ACTR3: variants seen among roughly 807,000 people sequenced by gnomAD.
ACTR3 encodes actin related protein 3, also known as actin-related protein 3.
ACTR3 carries 12 observed loss-of-function variants against 56.8 expected under a neutral mutation model. The observed-to-expected ratio is 0.21, with a 90% CI of 0.14 to 0.34. The LOEUF is 0.34. Ranked by LOEUF, ACTR3 falls within the 10% of genes least tolerant of loss-of-function variation. The probability of loss-of-function intolerance (pLI) is 1.00; values close to 1 mark genes in which losing one functional copy is unlikely to be tolerated. For missense variants in ACTR3, 282 were observed against 512.5 expected (o/e 0.55, Z 4.34); for synonymous variants, 162 against 167.4 (o/e 0.97, Z 0.25).
At chr2:113,935,323 A>G (rs997338138) in intron 6 of ACTR3, among the ~76,000 whole-genome samples, 2 of 152,184 alleles carry the variant, frequency 1.3e-5, no homozygotes, top group Admixed American at 6.5e-5. Context: ...TCATCACCCT[A>G]CAAAGGAACC....
rs371359989 is a variant in ACTR3 at position 113,922,221 on chromosome 2, C to T, written c.226-5124C>T. On this transcript the variant is annotated intron_variant, in intron 3 of 11. Coordinates refer to ENST00000263238, the MANE Select transcript of ACTR3 (RefSeq NM_005721.5). ...AGAGAGATGAAGAGACACATTTCAA[C>T]GTTAAGATGGAAGACATGTCTGAAT... 5.3e-4 allele frequency among the ~76,000 whole-genome samples: 81 copies of T among 151,980 alleles called. No homozygotes were observed. In the South Asian group the frequency reaches 0.015, roughly 29 times the overall value.
intron 1 of ACTR3, among the ~76,000 whole-genome samples, chr2:113,893,613 A>G (rs777613102): frequency 5.9e-5 from 9 of 152,042 alleles, no homozygotes; most frequent in African/African-American, 9.7e-5. Context: ...TTTTAAATGC[A>G]TGTTTTTACT....
intron 10 of ACTR3, chr2:113,952,690 C>T: frequency 6.6e-6 from 1 of 152,060 alleles, no homozygotes; most frequent in African/African-American, 2.4e-5. Flanking sequence ...GTAAACCTAT[C>T]CCTAGGAATG....
In ACTR3 at chr2:113,953,249, T is replaced by C. The variant is rs1458464566; in HGVS notation, c.1077+1404T>C. ...AGAAATAAATTTACCCAGTGATCAG[T>C]ACCGTATCGACATATTGAAAGAAAC... is the stretch of plus-strand genomic sequence containing the variant. On this transcript the variant is annotated intron_variant, in intron 10 of 11. Coordinates refer to ENST00000263238, the MANE Select transcript of ACTR3 (RefSeq NM_005721.5). 3 of 152,190 alleles carry C rather than the reference T, an allele frequency of 2.0e-5. No homozygotes were observed. In the East Asian group the frequency reaches 5.8e-4, roughly 29 times the overall value. The allele number at this position is 152,190 out of a possible 1,614,324, so 9.4% of individuals were successfully genotyped here.
chr2:113,927,478 A>C, intron 4 of ACTR3, 23 bp downstream of exon 4: 15 of 1,504,442 alleles, frequency 1.0e-5, no homozygotes, highest in Non-Finnish European at 1.4e-5. Flanking sequence ...TTATAATTTC[A>C]CTGAGGAAAT....
At chr2:113,902,489 C>G (rs988347640) in intron 1 of ACTR3, among the ~76,000 whole-genome samples, 1 of 152,026 alleles carries the variant, frequency 6.6e-6, no homozygotes, top group African/African-American at 2.4e-5. Context: ...TACCATCTCC[C>G]TTTCGCAGCC....
intron 1 of ACTR3, among the ~76,000 whole-genome samples, chr2:113,902,799 CG>C (rs1285261269): frequency 1.3e-5 from 2 of 152,086 alleles, no homozygotes; most frequent in African/African-American, 4.8e-5. Flanking sequence ...GGGGTTTCGC[CG>C]TGTTGGCCAG....
At chr2:113,917,093 G>C (rs967460772) in intron 3 of ACTR3, 85 bp downstream of exon 3, 2 of 1,152,706 alleles carry the variant, frequency 1.7e-6, no homozygotes, top group Admixed American at 6.6e-5. Flanking sequence ...CTCTATAATA[G>C]ACCTTATTAA....
At chr2:113,937,663 A>T (rs189465641) in intron 6 of ACTR3, among the ~76,000 whole-genome samples, 50 of 152,284 alleles carry the variant, frequency 3.3e-4, no homozygotes, top group Middle Eastern at 6.8e-3. Flanking sequence ...ATGTCACTCC[A>T]CTGTCTTCTG....
At chr2:113,921,623 A>C (rs1679513460) in intron 3 of ACTR3, among the ~76,000 whole-genome samples, 1 of 152,098 alleles carries the variant, frequency 6.6e-6, no homozygotes, top group South Asian at 2.1e-4. Flanking sequence ...TAAATCTTTA[A>C]TTCATTTTGA....
chr2:113,915,256 C>G (rs1679382609), intron 2 of ACTR3, among the ~76,000 whole-genome samples: 1 of 152,186 alleles, frequency 6.6e-6, no homozygotes, highest in Non-Finnish European at 1.5e-5. Context: ...CATGCTCTTG[C>G]TGGTGTCTTC....
chr2:113,929,029 A>G (rs762643883), intron 4 of ACTR3, among the ~76,000 whole-genome samples: 2 of 152,118 alleles, frequency 1.3e-5, no homozygotes, highest in African/African-American at 2.4e-5. Flanking sequence ...TATGTTGCAT[A>G]TACTGGTGAT....
intron 1 of ACTR3, among the ~76,000 whole-genome samples, chr2:113,896,139 A>G (rs891148918): frequency 6.6e-6 from 1 of 152,176 alleles, no homozygotes; most frequent in African/African-American, 2.4e-5. Flanking sequence ...AGATTACAGG[A>G]GTGAGCCACC....
chr2:113,905,632 G>A (rs7582072), intron 1 of ACTR3, among the ~76,000 whole-genome samples: 24 of 151,962 alleles, frequency 1.6e-4, no homozygotes, highest in Non-Finnish European at 3.1e-4. Context: ...GAAACTCTGC[G>A]CATTAAGCAG....
intron 1 of ACTR3, among the ~76,000 whole-genome samples, chr2:113,909,577 G>C (rs1679263476): frequency 6.6e-6 from 1 of 151,686 alleles, no homozygotes; most frequent in Non-Finnish European, 1.5e-5. Flanking sequence ...AGACTTCCTG[G>C]AGAAGTTTTA....
At chr2:113,941,427 T>C (rs1273447677) in intron 7 of ACTR3, among the ~76,000 whole-genome samples, 3 of 152,212 alleles carry the variant, frequency 2.0e-5, no homozygotes, top group African/African-American at 7.2e-5. Context: ...CCTCAAATAG[T>C]GTAATCAAAT....
intron 1 of ACTR3, among the ~76,000 whole-genome samples, chr2:113,899,854 A>G (rs1012672582): frequency 1.3e-5 from 2 of 152,242 alleles, no homozygotes; most frequent in African/African-American, 4.8e-5. Flanking sequence ...TGGGTCAGTT[A>G]GGAAATTGCC....
intron 2 of ACTR3, among the ~76,000 whole-genome samples, chr2:113,915,969 G>GT (rs1679397918): frequency 2.0e-5 from 3 of 151,974 alleles, no homozygotes; most frequent in Admixed American, 6.6e-5. Flanking sequence ...GTGGTTCAAG[G>GT]TTTTTTTTAT....
In ACTR3 at chr2:113,926,472, A is replaced by C. The variant is rs1257760587; in HGVS notation, c.226-873A>C. ...ATGAATACTTGAGACTGAGTAATTT[A>C]TAAAGAAAAGAGGTTTATTTTGGCT... On this transcript the variant is annotated intron_variant, in intron 3 of 11. Transcript: ENST00000263238. 2.0e-5 allele frequency among the ~76,000 whole-genome samples: 3 copies of C among 152,346 alleles called. No individual in the cohort carries two copies. The East Asian group carries it at 5.8e-4, about 29-fold the overall frequency.
Sources: allele counts gnomAD v4.1 joint callset (sites outside exome capture counted in the v4.1 genomes callset), GRCh38; gene constraint gnomAD v4.1.1; transcripts MANE v1.5; gene names NCBI Gene and HGNC (gene_info 2026-07-23, HGNC 2026-07-21).